Variants in KLKB1 observed in about 807,000 individuals in gnomAD.
KLKB1 encodes the protein plasma kallikrein.
A neutral mutation model predicts 73.6 loss-of-function variants in KLKB1; 58 were observed. The ratio of observed to expected loss-of-function variants is 0.79; its 90% CI spans 0.64 to 0.98. The LOEUF (loss-of-function observed/expected upper bound fraction) is 0.98, where lower values mean the gene tolerates loss of function less well. Among genes scored for constraint, KLKB1 ranks in the 50% least tolerant of loss-of-function variants. The pLI is 0.00. For synonymous variants in KLKB1, 280 were observed against 258.1 expected (o/e 1.08, Z -0.81); for missense variants, 737 against 763.8 (o/e 0.96, Z 0.41).
chr4:186,255,269 TA>T (rs1465964212), intron 12 of KLKB1, among the ~76,000 whole-genome samples: 3 of 152,152 alleles, frequency 2.0e-5, no homozygotes, highest in Non-Finnish European at 4.4e-5. Context: ...CTGTATCCAA[TA>T]ACATTCATGG....
intron 2 of KLKB1, among the ~76,000 whole-genome samples, chr4:186,215,581 T>C (rs3775297): frequency 0.64 from 95,942 of 149,006 alleles, 31,885 homozygotes; most frequent in South Asian, 0.77. Context: ...ATTTATTTAT[T>C]TATCTATCTA....
At chr4:186,222,813 C>A (rs910866699), upstream of KLKB1, among the ~76,000 whole-genome samples, 3 of 152,114 alleles carry the variant, frequency 2.0e-5, no homozygotes. Flanking sequence ...TTCCCTTTAG[C>A]ATTTTTTGTA....
At chr4:186,230,458 T>C (rs1737339522) in intron 2 of KLKB1, among the ~76,000 whole-genome samples, 1 of 152,190 alleles carries the variant, frequency 6.6e-6, no homozygotes, top group South Asian at 2.1e-4. Context: ...CTGCCCAAAG[T>C]CCATGGACAT....
chr4:186,229,619 A>G (rs940197074), intron 2 of KLKB1, among the ~76,000 whole-genome samples: 2 of 152,210 alleles, frequency 1.3e-5, no homozygotes, highest in African/African-American at 4.8e-5. Context: ...GTGGTGTGGT[A>G]TCATGAAATT....
At chr4:186,241,624 T>A (rs1172417198) in intron 6 of KLKB1, among the ~76,000 whole-genome samples, 1 of 152,248 alleles carries the variant, frequency 6.6e-6, no homozygotes, top group Admixed American at 6.5e-5. Context: ...TGTGACTTAT[T>A]AATTTATCAA....
At chr4:186,235,447 G>A (rs773736920) in intron 4 of KLKB1, among the ~76,000 whole-genome samples, 10 of 152,276 alleles carry the variant, frequency 6.6e-5, no homozygotes, top group Middle Eastern at 6.8e-3. Context: ...CACTTAAAGA[G>A]TTTTTATTTG....
chr4:186,247,976 G>A (rs576594942), intron 6 of KLKB1, among the ~76,000 whole-genome samples: 2 of 152,264 alleles, frequency 1.3e-5, no homozygotes, highest in Admixed American at 6.5e-5. Context: ...GGCCGGGCAC[G>A]GTGGCTCACG....
chr4:186,254,820 A>G, intron 12 of KLKB1, 57 bp downstream of exon 12: 1 of 1,470,702 alleles, frequency 6.8e-7, no homozygotes, highest in Non-Finnish European at 9.5e-7. Flanking sequence ...ATATTTTCAT[A>G]TCAGTTTGAA....
At chr4:186,223,755 A>G (rs1486361662), upstream of KLKB1, among the ~76,000 whole-genome samples, 3 of 152,238 alleles carry the variant, frequency 2.0e-5, no homozygotes, top group East Asian at 1.9e-4. Context: ...CAGCCTGACC[A>G]TGTGGTAGAA....
chr4:186,216,805 C>G (rs183426835), intron 2 of KLKB1, among the ~76,000 whole-genome samples: 44 of 152,292 alleles, frequency 2.9e-4, no homozygotes, highest in African/African-American at 9.9e-4. Flanking sequence ...TCTTAACGCT[C>G]TGAATCTCTC....
rs766020086 is a variant in KLKB1, at chr4:186,254,697, T to G, written c.1423T>G (p.Tyr475Asp). The change falls in exon 12 of 15, where the codon TAT becomes GAT. Residue 475 changes from tyrosine (Y) to aspartate (D), a missense_variant. By Grantham distance (160) the Tyr-to-Asp change is radical. Coordinates refer to ENST00000264690, the MANE Select transcript of KLKB1 (RefSeq NM_000892.5). The part of the protein sequence containing the change: ...QIKEIIIHQN[Y>D]KVSEGNHDIA... ...AAAAGAGATTATTATTCACCAAAAC[T>G]ATAAAGTCTCAGAAGGGAATCATGA... 2 of 1,613,798 alleles carry G rather than the reference T, an allele frequency of 1.2e-6. No homozygotes were observed. The highest frequency in any genetic ancestry group is 1.7e-6 in the Non-Finnish European group (2 of 1,179,714).
chr4:186,247,588 A>G (rs550876256), intron 6 of KLKB1, among the ~76,000 whole-genome samples: 4 of 152,204 alleles, frequency 2.6e-5, no homozygotes, highest in Non-Finnish European at 5.9e-5. Flanking sequence ...CCTGACATTT[A>G]ACATGGATAA....
intron 4 of KLKB1, among the ~76,000 whole-genome samples, chr4:186,236,433 C>A (rs562311375): frequency 1.8e-4 from 27 of 152,318 alleles, no homozygotes; most frequent in Admixed American, 1.6e-3. Context: ...CAAACCTCAG[C>A]ACACATTATC....
At chr4:186,224,113 G>C (rs1737096595), upstream of KLKB1, among the ~76,000 whole-genome samples, 1 of 152,232 alleles carries the variant, frequency 6.6e-6, no homozygotes, top group African/African-American at 2.4e-5. Context: ...CAGAAAACAA[G>C]AGCTGAGCTT....
intron 4 of KLKB1, among the ~76,000 whole-genome samples, chr4:186,235,997 C>T (rs925986504): frequency 6.6e-6 from 1 of 151,486 alleles, no homozygotes; most frequent in Non-Finnish European, 1.5e-5. Context: ...GCCTGTAGTC[C>T]CAGCTACTCG....
intron 7 of KLKB1, 113 bp downstream of exon 7, chr4:186,250,515 T>G: frequency 8.1e-7 from 1 of 1,233,076 alleles, no homozygotes; most frequent in Non-Finnish European, 1.2e-6. Flanking sequence ...TTCATTTCCC[T>G]CAAAACACTT....
chr4:186,225,335 C>T (rs2126618238), upstream of KLKB1, among the ~76,000 whole-genome samples: 1 of 152,110 alleles, frequency 6.6e-6, no homozygotes, highest in South Asian at 2.1e-4. Flanking sequence ...AGAAATCCAC[C>T]AATAATCTTA....
In KLKB1 at chr4:186,258,083, C is replaced by A. The variant is rs775816846; in HGVS notation, c.1788C>A (p.Thr596=). 1 of 1,614,086 alleles carries A rather than the reference C, an allele frequency of 6.2e-7. No homozygotes were observed. Among genetic ancestry groups the A allele is most frequent in the Non-Finnish European group, 8.5e-7 (1 of 1,180,006 alleles). The stretch of plus-strand genomic sequence containing the variant: ...GAATGTGGCGTTTGGTGGGCATCAC[C>A]AGCTGGGGTGAAGGCTGTGCCCGCA... ...HNGMWRLVGI[T]SWGEGCARRE... The change falls in exon 15 of 15, where the codon ACC becomes ACA. Residue 596 remains threonine, a synonymous_variant. Transcript: ENST00000264690.
chr4:186,252,810 T>C (rs1393001651), intron 11 of KLKB1, among the ~76,000 whole-genome samples: 2 of 152,212 alleles, frequency 1.3e-5, no homozygotes, highest in African/African-American at 2.4e-5. Context: ...CCCATAGAAA[T>C]GTTACTTCTT....
Sources: gnomAD v4.1 joint callset for allele counts (sites outside exome capture counted in the v4.1 genomes callset) on GRCh38, gnomAD v4.1.1 for gene constraint, MANE v1.5 for transcripts, NCBI Gene and HGNC (gene_info 2026-07-23, HGNC 2026-07-21) for gene names.